The following CACNB2 variants were observed in gnomAD, a reference collection of about 807,000 sequenced individuals.
CACNB2 encodes the protein calcium voltage-gated channel auxiliary subunit beta 2.
CACNB2 carries 42 observed loss-of-function variants against 73.3 expected under a neutral mutation model. That is an observed-to-expected ratio of 0.57 (90% CI 0.45 to 0.74). The LOEUF is 0.74. Ranked by LOEUF, CACNB2 falls within the 30% of genes least tolerant of loss-of-function variation. CACNB2 has a pLI of 0.00. For synonymous variants in CACNB2, 348 were observed against 310.3 expected, an observed-to-expected ratio of 1.12 and a Z score of -1.28; for missense variants, 940 against 853.0, an observed-to-expected ratio of 1.10 and a Z score of -1.27.
At chr10:18,189,289 C>G (rs2034292384) in intron 2 of CACNB2, among the ~76,000 whole-genome samples, 1 of 152,112 alleles carries the variant, frequency 6.6e-6, no homozygotes, top group Non-Finnish European at 1.5e-5. Flanking sequence ...AGCTACTAAT[C>G]TATTTAATGA....
At chr10:18,275,132 C>G (rs566869969) in intron 2 of CACNB2, among the ~76,000 whole-genome samples, 3 of 152,130 alleles carry the variant, frequency 2.0e-5, no homozygotes, top group Non-Finnish European at 2.9e-5. Context: ...GTCAGTCAAC[C>G]GGGATTTCAC....
intron 5 of CACNB2, among the ~76,000 whole-genome samples, chr10:18,505,948 C>T (rs1019568886): frequency 3.3e-5 from 5 of 152,086 alleles, no homozygotes; most frequent in Admixed American, 6.6e-5. Context: ...CATGTTTCTT[C>T]GTGTGTCCGT....
intron 1 of CACNB2, among the ~76,000 whole-genome samples, chr10:18,146,167 T>C (rs1420700463): frequency 6.6e-6 from 1 of 152,192 alleles, no homozygotes; most frequent in Admixed American, 6.5e-5. Context: ...CACTAAGCTA[T>C]TGGTAAATGA....
At chr10:18,505,368 C>T (rs1053583215) in intron 5 of CACNB2, among the ~76,000 whole-genome samples, 3 of 152,070 alleles carry the variant, frequency 2.0e-5, no homozygotes, top group Non-Finnish European at 4.4e-5. Context: ...GTCTGATGCC[C>T]TTATTAAATG....
intron 3 of CACNB2, among the ~76,000 whole-genome samples, chr10:18,420,054 G>T (rs988596459): frequency 6.6e-6 from 1 of 152,026 alleles, no homozygotes; most frequent in Non-Finnish European, 1.5e-5. Flanking sequence ...ATGACCAGGC[G>T]TGCCCAACCC....
intron 2 of CACNB2, among the ~76,000 whole-genome samples, chr10:18,157,338 C>T (rs2032132383): frequency 6.6e-6 from 1 of 152,100 alleles, no homozygotes; most frequent in South Asian, 2.1e-4. Context: ...GGCCTTTGGA[C>T]AAGTAACTGA....
intron 3 of CACNB2, among the ~76,000 whole-genome samples, chr10:18,496,137 G>T (rs2049796586): frequency 1.4e-5 from 2 of 143,038 alleles, no homozygotes; most frequent in Non-Finnish European, 3.0e-5. Flanking sequence ...AGTGAGCTGG[G>T]ATCGTGCCAC....
At chr10:18,413,390 G>T (rs1375769953) in intron 3 of CACNB2, among the ~76,000 whole-genome samples, 1 of 152,120 alleles carries the variant, frequency 6.6e-6, no homozygotes, top group Non-Finnish European at 1.5e-5. Flanking sequence ...ACTTCTCCAG[G>T]CTTCAGCCGT....
intron 2 of CACNB2, among the ~76,000 whole-genome samples, chr10:18,252,244 G>A (rs1184181545): frequency 6.6e-6 from 1 of 152,096 alleles, no homozygotes; most frequent in Admixed American, 6.5e-5. Flanking sequence ...AACCCACTGG[G>A]GCATTTACCG....
intron 3 of CACNB2, among the ~76,000 whole-genome samples, chr10:18,412,936 C>T (rs1181279260): frequency 2.0e-5 from 3 of 152,168 alleles, no homozygotes; most frequent in Non-Finnish European, 2.9e-5. Context: ...CAGAACAATG[C>T]TACCTTCACA....
intron 2 of CACNB2, among the ~76,000 whole-genome samples, chr10:18,319,386 GAGTTGAAA>G (rs2040312555): frequency 6.6e-6 from 1 of 152,056 alleles, no homozygotes; most frequent in South Asian, 2.1e-4. Context: ...TCATAAGTGG[GAGTTGAAA>G]AATGAGAACA....
intron 3 of CACNB2, among the ~76,000 whole-genome samples, chr10:18,487,470 A>G (rs2049124468): frequency 6.6e-6 from 1 of 152,214 alleles, no homozygotes; most frequent in Non-Finnish European, 1.5e-5. Context: ...TATCAGTAAT[A>G]GTGCTGGAGT....
intron 2 of CACNB2, among the ~76,000 whole-genome samples, chr10:18,170,461 T>G (rs2033146874): frequency 6.6e-6 from 1 of 152,216 alleles, no homozygotes; most frequent in African/African-American, 2.4e-5. Flanking sequence ...CTGATGGCAT[T>G]GAGAGTGAGT....
At chr10:18,200,105 G>C (rs1315189615) in intron 2 of CACNB2, among the ~76,000 whole-genome samples, 1 of 151,928 alleles carries the variant, frequency 6.6e-6, no homozygotes, top group South Asian at 2.1e-4. Context: ...TTGAACAGTG[G>C]ACATTTTAAA....
intron 2 of CACNB2, among the ~76,000 whole-genome samples, chr10:18,326,179 AAAAT>A (rs1397820403): frequency 6.8e-6 from 1 of 146,242 alleles, no homozygotes. Context: ...GAAACAGAAA[AAAAT>A]AAAGCAGTTT....
chr10:18,265,149 C>CTT lies in CACNB2; in HGVS notation c.213+114192_213+114193dup, dbSNP rs34442607. ...TATTTATTGACCATTTGGCCATCTT[C>CTT]TTTTTTTTTTTTTTTTTTTGAGATG... is the stretch of plus-strand genomic sequence containing the variant. On this transcript the variant is annotated intron_variant, in intron 2 of 13. Transcript: ENST00000324631. Among the ~76,000 whole-genome samples the CTT allele has an allele frequency of 0.033, 4,043 of 120,892 alleles. 370 individuals carry two copies. The East Asian group carries it at 0.36, about 11-fold the overall frequency. The allele number at this position is 120,892 out of a possible 152,430, so 79.3% of individuals were successfully genotyped here. A position where few individuals can be genotyped will look rare whatever the true frequency, so the allele number is the denominator to read the frequency against.
chr10:18,182,333 A>AC (rs2033928797), intron 2 of CACNB2, among the ~76,000 whole-genome samples: 1 of 151,088 alleles, frequency 6.6e-6, no homozygotes, highest in South Asian at 2.1e-4. Flanking sequence ...TCAAAAAAAA[A>AC]TTTTTTTTTG....
intron 3 of CACNB2, among the ~76,000 whole-genome samples, chr10:18,402,714 C>T (rs963557896): frequency 1.3e-5 from 2 of 152,192 alleles, no homozygotes; most frequent in Non-Finnish European, 2.9e-5. Context: ...TGAATTCTTT[C>T]TCCCATGCTG....
intron 2 of CACNB2, among the ~76,000 whole-genome samples, chr10:18,254,749 A>C (rs2131568063): frequency 6.6e-6 from 1 of 152,344 alleles, no homozygotes; most frequent in South Asian, 2.1e-4. Flanking sequence ...TAAGGAGAGA[A>C]ATGAGGACTG....
Sources: gnomAD v4.1 joint callset for allele counts (sites outside exome capture counted in the v4.1 genomes callset) on GRCh38, gnomAD v4.1.1 for gene constraint, MANE v1.5 for transcripts, NCBI Gene and HGNC (gene_info 2026-07-23, HGNC 2026-07-21) for gene names.